The following REXO1 variants were observed in gnomAD, a reference collection of about 807,000 sequenced individuals.
The protein encoded by REXO1 is RNA exonuclease 1 homolog.
Under a neutral mutation model 102.6 loss-of-function variants are expected in REXO1, and 42 were observed. The observed-to-expected ratio is 0.41, with a 90% CI of 0.32 to 0.53. The LOEUF is 0.53. Ranked by LOEUF, REXO1 falls within the 20% of genes least tolerant of loss-of-function variation. The pLI, the probability that REXO1 is intolerant of heterozygous loss-of-function variation, is 0.27. For synonymous variants in REXO1, 908 were observed against 779.1 expected, an observed-to-expected ratio of 1.17 and a Z score of -2.76; for missense variants, 1,819 against 1,732.5, an observed-to-expected ratio of 1.05 and a Z score of -0.89.
chr19:1,819,790 G>A, intron 7 of REXO1, 144 bp downstream of exon 7: 1 of 902,142 alleles, frequency 1.1e-6, no homozygotes, highest in Admixed American at 3.7e-5. Flanking sequence ...CCAGGCAGCA[G>A]GCAGCCCCCC....
intron 10 of REXO1, among the ~76,000 whole-genome samples, 161 bp downstream of exon 10, chr19:1,818,321 C>A (rs2145234261): frequency 6.6e-6 from 1 of 152,324 alleles, no homozygotes; most frequent in Middle Eastern, 3.4e-3. Flanking sequence ...AAAATGAGGC[C>A]AAGGGCTAGC....
chr19:1,837,878 G>A (rs754076025), intron 1 of REXO1, among the ~76,000 whole-genome samples: 9 of 152,330 alleles, frequency 5.9e-5, no homozygotes, highest in South Asian at 2.1e-4. Flanking sequence ...TCTCTGGGGC[G>A]TCCTGGGCAT....
Position 1,848,148 on chromosome 19 carries a change from TCCAG to T in REXO1, c.157+50_157+53del, listed in dbSNP as rs374542502. On this transcript the variant is annotated intron_variant, in intron 1 of 15. Transcript: ENST00000170168. ...GACCCCGGGCGGGACCGGGGTGGGG[TCCAG>T]ACCCGGGCAGGGGAGCCGAGCCCAA... 4 of 935,234 alleles carry T rather than the reference TCCAG, an allele frequency of 4.3e-6. No homozygotes were observed. In the African/African-American group the frequency reaches 5.4e-5, roughly 13 times the overall value. 57.9% of individuals were successfully genotyped at this position (935,234 alleles called of 1,614,324 possible).
chr19:1,819,159 G>A (rs1281640823), intron 7 of REXO1, 28 bp from the exon 8 acceptor site: 4 of 1,521,780 alleles, frequency 2.6e-6, no homozygotes, highest in Non-Finnish European at 3.6e-6. Context: ...AGGGGAGGAG[G>A]GTGTGAAGTA....
intron 1 of REXO1, chr19:1,835,062 G>A (rs923564335): frequency 1.3e-5 from 4 of 318,934 alleles, no homozygotes; most frequent in Non-Finnish European, 2.7e-5. Context: ...CTCAGAACAG[G>A]GGGTACGGCG....
intron 7 of REXO1, 72 bp downstream of exon 7, chr19:1,819,862 A>G: frequency 6.9e-7 from 1 of 1,443,856 alleles, no homozygotes; most frequent in South Asian, 1.4e-5. Flanking sequence ...TGAAGGTCCC[A>G]GCGAGGGTCC....
intron 7 of REXO1, 66 bp downstream of exon 7, chr19:1,819,868 G>T (rs549498261): frequency 4.5e-5 from 66 of 1,466,130 alleles, no homozygotes; most frequent in Non-Finnish European, 5.7e-5. Flanking sequence ...TCCCAGCGAG[G>T]GTCCCAGCCC....
chr19:1,836,073 GC>G (rs2070030037), intron 1 of REXO1, among the ~76,000 whole-genome samples: 1 of 152,118 alleles, frequency 6.6e-6, no homozygotes, highest in African/African-American at 2.4e-5. Context: ...CCATCTCCTG[GC>G]CCCCAAACCT....
At chr19:1,824,916 G>T (rs1169190461) in intron 3 of REXO1, among the ~76,000 whole-genome samples, 4 of 152,048 alleles carry the variant, frequency 2.6e-5, no homozygotes, top group Non-Finnish European at 5.9e-5. Context: ...CTCCCGAGTA[G>T]CTGGGATTAC....
intron 1 of REXO1, among the ~76,000 whole-genome samples, chr19:1,839,241 C>T (rs1327079018): frequency 6.9e-6 from 1 of 144,102 alleles, no homozygotes; most frequent in African/African-American, 2.7e-5. Context: ...GGCGACAGAG[C>T]GAGACTCTAT....
intron 7 of REXO1, 82 bp from the exon 8 acceptor site, chr19:1,819,213 C>A (rs2069461646): frequency 9.4e-7 from 1 of 1,063,362 alleles, no homozygotes; most frequent in East Asian, 2.5e-5. Context: ...ACCCACCCTG[C>A]CCTCCTCAGA....
At chr19:1,832,063 T>C (rs2069921345) in intron 1 of REXO1, among the ~76,000 whole-genome samples, 1 of 152,058 alleles carries the variant, frequency 6.6e-6, no homozygotes, top group Non-Finnish European at 1.5e-5. Context: ...GGTGAACATC[T>C]TGCATTATCC....
chr19:1,846,621 G>C (rs1479695676), intron 1 of REXO1, among the ~76,000 whole-genome samples: 1 of 152,192 alleles, frequency 6.6e-6, no homozygotes, highest in African/African-American at 2.4e-5. Context: ...GGGTGCAGTA[G>C]CTCACACCTG....
chr19:1,817,532 AG>A, intron 11 of REXO1, 174 bp downstream of exon 11: 1 of 1,465,328 alleles, frequency 6.8e-7, no homozygotes, highest in South Asian at 1.4e-5. Context: ...GGAAGTGGCC[AG>A]GGACAGGGCC....
chr19:1,843,325 G>A lies in REXO1; in HGVS notation c.157+4877C>T, dbSNP rs147061269. Among the ~76,000 whole-genome samples, 305 of 152,138 alleles carry A rather than the reference G, an allele frequency of 2.0e-3. 1 individual carries two copies. Among genetic ancestry groups the A allele is most frequent in the South Asian group, 3.1e-3 (15 of 4,826 alleles). Reference sequence around the variant, plus strand: ...TGGGCAAAGCTTCAACCCCCCGCCCGGAGGGTCCCAGCTCCCCAGGGCCCA... The same window carrying A: ...TGGGCAAAGCTTCAACCCCCCGCCCAGAGGGTCCCAGCTCCCCAGGGCCCA... On this transcript the variant is annotated intron_variant, in intron 1 of 15. Coordinates refer to ENST00000170168, the MANE Select transcript of REXO1 (RefSeq NM_020695.4).
rs1337442759 is a variant in REXO1 at position 1,818,465 on chromosome 19, C to T, written c.3016+17G>A. 1 of 1,570,280 alleles carries T rather than the reference C, an allele frequency of 6.4e-7. No individual in the cohort carries two copies. The highest frequency in any genetic ancestry group is 8.6e-7 in the Non-Finnish European group (1 of 1,156,906). ...GGGCCATGGGTGGGAAGGGGAAGGA[C>T]CCGGGTAAGGCCTTACCCCGGTTCC... On this transcript the variant is annotated intron_variant, in intron 10 of 15. Transcript: ENST00000170168.
intron 14 of REXO1, 41 bp downstream of exon 14, chr19:1,816,390 T>C (rs774331071): frequency 6.2e-7 from 1 of 1,600,700 alleles, no homozygotes; most frequent in Non-Finnish European, 8.5e-7. Context: ...CCTGCGCAGG[T>C]CCTGCTGGAG....
intron 1 of REXO1, among the ~76,000 whole-genome samples, chr19:1,832,417 G>C (rs1568708078): frequency 6.6e-6 from 1 of 152,234 alleles, no homozygotes; most frequent in African/African-American, 2.4e-5. Flanking sequence ...GCCTGTACCT[G>C]CGAAGGCGGA....
intron 1 of REXO1, among the ~76,000 whole-genome samples, chr19:1,840,190 T>C (rs2011220191): frequency 6.6e-6 from 1 of 152,196 alleles, no homozygotes; most frequent in African/African-American, 2.4e-5. Flanking sequence ...CCCTGCCCCC[T>C]GCCAGGCTCT....
Sources: allele counts gnomAD v4.1 joint callset (sites outside exome capture counted in the v4.1 genomes callset), GRCh38; gene constraint gnomAD v4.1.1; transcripts MANE v1.5; gene names NCBI Gene and HGNC (gene_info 2026-07-23, HGNC 2026-07-21).